Variants in AKR1B15 observed in about 807,000 individuals in gnomAD.
The protein encoded by AKR1B15 is aldo-keto reductase family 1 member B15.
In AKR1B15, 49 loss-of-function variants were observed where a neutral mutation model predicts 38.5. The observed-to-expected ratio is 1.27, with a 90% CI of 1.01 to 1.62. The LOEUF (loss-of-function observed/expected upper bound fraction) is 1.62, where lower values mean the gene tolerates loss of function less well. AKR1B15 is among the 40% of genes most tolerant of loss of function. AKR1B15 has a pLI of 0.00. For missense variants in AKR1B15, 411 were observed against 381.6 expected, an observed-to-expected ratio of 1.08 and a Z score of -0.64; for synonymous variants, 137 against 135.5, an observed-to-expected ratio of 1.01 and a Z score of -0.08.
At position 134,571,475 on chromosome 7, in the gene AKR1B15, G is replaced by T. The variant is rs1166881323; in HGVS notation, c.436-129G>T. ...ATTTAAACTCACATTCTTGTAGTAT[G>T]TACTCCAGAGCTTGAAAAAGTGGTA... On this transcript the variant is annotated intron_variant, in intron 5 of 11. Coordinates refer to ENST00000457545, the MANE Select transcript of AKR1B15 (RefSeq NM_001080538.3). 5.5e-6 allele frequency: 4 copies of T among 730,056 alleles called. No homozygotes were observed. In the African/African-American group the frequency reaches 7.1e-5, roughly 13 times the overall value. 45.2% of individuals were successfully genotyped at this position (730,056 alleles called of 1,614,324 possible). A position where few individuals can be genotyped will look rare whatever the true frequency, so the allele number is the denominator to read the frequency against.
rs1794214581 is a variant in AKR1B15 at position 134,556,866 on chromosome 7, G to A, written c.-23+7G>A. 6.6e-6 allele frequency: 1 copy of A among 152,178 alleles called. No homozygotes were observed. 9.4% of individuals were successfully genotyped at this position (152,178 alleles called of 1,614,324 possible). A position where few individuals can be genotyped will look rare whatever the true frequency, so the allele number is the denominator to read the frequency against. On this transcript the variant is annotated splice_region_variant and intron_variant, in intron 2 of 11. Transcript: ENST00000457545. Reference sequence around the variant, plus strand: ...AATATCACTATCTCAACAGGTAGATGCTGATTTAAGCAATCTCCAATCAGC... The same window carrying A: ...AATATCACTATCTCAACAGGTAGATACTGATTTAAGCAATCTCCAATCAGC...
intron 1 of AKR1B15, among the ~76,000 whole-genome samples, chr7:134,549,766 C>A: frequency 6.6e-6 from 1 of 152,162 alleles, no homozygotes; most frequent in East Asian, 1.9e-4. Context: ...AATTGCCATG[C>A]TTGTTTATAT....
intron 1 of AKR1B15, among the ~76,000 whole-genome samples, chr7:134,549,740 C>G (rs1793901147): frequency 6.6e-6 from 1 of 152,204 alleles, no homozygotes; most frequent in Non-Finnish European, 1.5e-5. Context: ...ACCCCCTCCC[C>G]TTGTCTGTCT....
chr7:134,568,442 C>T (rs1429470358), intron 4 of AKR1B15, 117 bp downstream of exon 4: 2 of 1,415,050 alleles, frequency 1.4e-6, no homozygotes, highest in East Asian at 2.3e-5. Flanking sequence ...TTCATCTCTG[C>T]CTTGATAACA....
intron 1 of AKR1B15, among the ~76,000 whole-genome samples, chr7:134,552,019 A>C (rs1794000905): frequency 6.6e-6 from 1 of 152,172 alleles, no homozygotes; most frequent in South Asian, 2.1e-4. Context: ...TCAGTACTCC[A>C]GACACCCTTA....
At chr7:134,561,096 G>C (rs1392463160) in intron 2 of AKR1B15, among the ~76,000 whole-genome samples, 1 of 152,104 alleles carries the variant, frequency 6.6e-6, no homozygotes, top group Non-Finnish European at 1.5e-5. Context: ...AGTCACAAAG[G>C]ATTTACTATT....
chr7:134,554,654 G>A (rs1225877905), intron 1 of AKR1B15, among the ~76,000 whole-genome samples: 1 of 152,116 alleles, frequency 6.6e-6, no homozygotes, highest in African/African-American at 2.4e-5. Context: ...AGGAAGGTGG[G>A]AAATTGACTT....
At chr7:134,557,031 T>C (rs1041558165) in intron 2 of AKR1B15, among the ~76,000 whole-genome samples, 172 bp downstream of exon 2, 1 of 152,202 alleles carries the variant, frequency 6.6e-6, no homozygotes, top group Non-Finnish European at 1.5e-5. Flanking sequence ...TGCCAATCAG[T>C]CTGGAGTCAT....
intron 11 of AKR1B15, 146 bp downstream of exon 11, chr7:134,577,932 C>A: frequency 2.3e-6 from 2 of 856,558 alleles, no homozygotes; most frequent in Non-Finnish European, 3.7e-6. Flanking sequence ...AATTTGGGTA[C>A]CTGGGAATCA....
At chr7:134,566,228 A>C (rs953806232) in intron 3 of AKR1B15, among the ~76,000 whole-genome samples, 1 of 152,178 alleles carries the variant, frequency 6.6e-6, no homozygotes, top group Non-Finnish European at 1.5e-5. Context: ...CTGAGAGGTC[A>C]AGGCTGCAGT....
intron 11 of AKR1B15, among the ~76,000 whole-genome samples, chr7:134,578,410 G>C (rs1227603963): frequency 6.6e-6 from 1 of 152,168 alleles, no homozygotes; most frequent in East Asian, 1.9e-4. Context: ...ATTGTGTTTA[G>C]AGCATTCAAG....
chr7:134,562,201 G>C (rs967269383), intron 2 of AKR1B15, among the ~76,000 whole-genome samples: 14 of 152,132 alleles, frequency 9.2e-5, no homozygotes, highest in African/African-American at 2.9e-4. Flanking sequence ...CTGGAGCAGC[G>C]GACCTTCACA....
intron 2 of AKR1B15, among the ~76,000 whole-genome samples, chr7:134,562,887 T>TTTCC (rs1338879514): frequency 5.0e-5 from 6 of 119,982 alleles, no homozygotes; most frequent in Admixed American, 8.4e-5. Context: ...TCTTTCTTTC[T>TTTCC]TTCCTTCTTT....
At chr7:134,561,221 T>C (rs1276855553) in intron 2 of AKR1B15, among the ~76,000 whole-genome samples, 1 of 152,176 alleles carries the variant, frequency 6.6e-6, no homozygotes, top group East Asian at 1.9e-4. Context: ...TGTATTTATT[T>C]ATTTATTTTT....
intron 8 of AKR1B15, 72 bp from the exon 9 acceptor site, chr7:134,576,277 C>G (rs1284589792): frequency 2.0e-4 from 297 of 1,491,468 alleles, no homozygotes; most frequent in Non-Finnish European, 2.2e-4. Flanking sequence ...TCTTGAGACC[C>G]TCATTGGAGT....
At chr7:134,561,745 T>C (rs1794399249) in intron 2 of AKR1B15, among the ~76,000 whole-genome samples, 1 of 151,832 alleles carries the variant, frequency 6.6e-6, no homozygotes, top group African/African-American at 2.4e-5. Flanking sequence ...GACGTGGCCC[T>C]GGCCTGTCAT....
chr7:134,579,421 G>C (rs1357531712), intron 11 of AKR1B15, 86 bp from the exon 12 acceptor site: 1 of 1,180,948 alleles, frequency 8.5e-7, no homozygotes, highest in East Asian at 2.4e-5. Context: ...AAATACCACA[G>C]AGTCCACCAG....
chr7:134,561,712 C>T (rs370603593), intron 2 of AKR1B15, among the ~76,000 whole-genome samples: 2 of 152,050 alleles, frequency 1.3e-5, no homozygotes, highest in African/African-American at 4.8e-5. Context: ...AACCCACTAC[C>T]GGCAGGCTGA....
intron 3 of AKR1B15, 140 bp from the exon 4 acceptor site, chr7:134,568,018 A>G (rs1323020211): frequency 4.5e-5 from 45 of 993,496 alleles, no homozygotes; most frequent in African/African-American, 6.5e-5. Flanking sequence ...GTGGTTGCTG[A>G]GTGTGGTGTA....
Sources: allele counts gnomAD v4.1 joint callset (sites outside exome capture counted in the v4.1 genomes callset), GRCh38; gene constraint gnomAD v4.1.1; transcripts MANE v1.5; gene names NCBI Gene and HGNC (gene_info 2026-07-23, HGNC 2026-07-21).